SGPP2: variants seen among roughly 807,000 people sequenced by gnomAD.
The protein encoded by SGPP2 is sphingosine-1-phosphate phosphatase 2.
A neutral mutation model predicts 33.9 loss-of-function variants in SGPP2; 30 were observed. The observed-to-expected ratio is 0.89, with a 90% CI of 0.66 to 1.20. The LOEUF is 1.20. Ranked by LOEUF, SGPP2 falls within the 50% of genes most tolerant of loss-of-function variation. The probability of loss-of-function intolerance (pLI) is 0.00; values close to 1 mark genes in which losing one functional copy is unlikely to be tolerated. For synonymous variants in SGPP2, 233 were observed against 225.0 expected, an observed-to-expected ratio of 1.04 and a Z score of -0.32; for missense variants, 458 against 532.1, an observed-to-expected ratio of 0.86 and a Z score of 1.37.
chr2:222,550,810 C>A lies in SGPP2; in HGVS notation c.649-7537C>A, dbSNP rs1689281074. ...TGTTTCTGTAATGGAGCATGTGTTA[C>A]TTTTTGGACTTAAATGGCATGAGCT... On this transcript the variant is annotated intron_variant, in intron 4 of 4. Transcript: ENST00000321276. The surrounding 1 kb of genome is among the most constrained non-coding windows in gnomAD (Gnocchi z 4.5). Among the ~76,000 whole-genome samples, 1 of 151,514 alleles carries A rather than the reference C, an allele frequency of 6.6e-6. No homozygotes were observed. The highest frequency in any genetic ancestry group is 2.1e-4 in the South Asian group (1 of 4,828).
chr2:222,470,083 G>C (rs1171604309), intron 1 of SGPP2, among the ~76,000 whole-genome samples: 1 of 152,162 alleles, frequency 6.6e-6, no homozygotes, highest in East Asian at 1.9e-4. Context: ...ATGGACACAG[G>C]GAGGGGAACA....
chr2:222,498,898 T>A (rs962798451), intron 2 of SGPP2, among the ~76,000 whole-genome samples: 1 of 152,210 alleles, frequency 6.6e-6, no homozygotes, highest in Admixed American at 6.5e-5. Context: ...GAGTTTAGAA[T>A]GTTTGAAATG....
rs1451696169 is a variant in SGPP2 at position 222,552,812 on chromosome 2, A to T, written c.649-5535A>T. Among the ~76,000 whole-genome samples the T allele has an allele frequency of 2.6e-5, 4 of 152,198 alleles. No homozygotes were observed. In the East Asian group the frequency reaches 7.7e-4, roughly 29 times the overall value. Reference sequence around the variant, plus strand: ...GAGGCAGAGGTTGTGGTGAGCTAAGATCACACCATTGCACTCCAGCCTGAG... The same window carrying T: ...GAGGCAGAGGTTGTGGTGAGCTAAGTTCACACCATTGCACTCCAGCCTGAG... On this transcript the variant is annotated intron_variant, in intron 4 of 4. Transcript: ENST00000321276.
intron 1 of SGPP2, among the ~76,000 whole-genome samples, chr2:222,468,061 G>A (rs531846719): frequency 1.4e-5 from 2 of 141,178 alleles, no homozygotes; most frequent in South Asian, 4.7e-4. Context: ...CTCAAGGTCA[G>A]AATAGCTATA....
intron 1 of SGPP2, among the ~76,000 whole-genome samples, chr2:222,426,991 G>C (rs945903090): frequency 2.6e-4 from 39 of 152,100 alleles, no homozygotes; most frequent in Non-Finnish European, 4.0e-4. Flanking sequence ...GTTCCTCCAT[G>C]GGTGACTTCT....
At chr2:222,538,817 T>C (rs1698951802) in intron 4 of SGPP2, among the ~76,000 whole-genome samples, 1 of 152,096 alleles carries the variant, frequency 6.6e-6, no homozygotes, top group Non-Finnish European at 1.5e-5. Context: ...AGAACTCTTA[T>C]CACTAGAACA....
At chr2:222,546,278 T>C (rs1217288499) in intron 4 of SGPP2, among the ~76,000 whole-genome samples, 1 of 152,200 alleles carries the variant, frequency 6.6e-6, no homozygotes, top group East Asian at 1.9e-4. Flanking sequence ...ACTCACCGCA[T>C]TTCTGAAAGC....
chr2:222,486,905 A>G (rs1211255564), intron 2 of SGPP2, among the ~76,000 whole-genome samples: 1 of 151,964 alleles, frequency 6.6e-6, no homozygotes, highest in Non-Finnish European at 1.5e-5. Flanking sequence ...GTAGTAAACC[A>G]CATTAATTAA....
chr2:222,555,105 C>A (rs1689366510), intron 4 of SGPP2, among the ~76,000 whole-genome samples: 1 of 151,990 alleles, frequency 6.6e-6, no homozygotes, highest in African/African-American at 2.4e-5. Context: ...TAGAACCATA[C>A]AGTATGTATC....
chr2:222,472,744 A>G (rs1297024349), intron 1 of SGPP2, among the ~76,000 whole-genome samples: 1 of 152,198 alleles, frequency 6.6e-6, no homozygotes, highest in Non-Finnish European at 1.5e-5. Context: ...AGGGACTATT[A>G]CCATCCTTGC....
At chr2:222,446,204 A>C (rs1000248206) in intron 1 of SGPP2, among the ~76,000 whole-genome samples, 3 of 152,138 alleles carry the variant, frequency 2.0e-5, no homozygotes, top group Non-Finnish European at 4.4e-5. Flanking sequence ...TATAGGTAGA[A>C]ATAATGAGAG....
intron 1 of SGPP2, among the ~76,000 whole-genome samples, chr2:222,444,568 T>G (rs1425884742): frequency 1.3e-5 from 2 of 152,200 alleles, no homozygotes; most frequent in Non-Finnish European, 2.9e-5. Context: ...AGTGCATTGG[T>G]GGAGACAGGT....
intron 2 of SGPP2, among the ~76,000 whole-genome samples, chr2:222,510,250 A>G (rs143566001): frequency 1.3e-5 from 2 of 152,208 alleles, no homozygotes; most frequent in African/African-American, 4.8e-5. Flanking sequence ...TAGGAGTGGA[A>G]TGGATGAGTG....
At chr2:222,428,731 C>G (rs1428231563) in intron 1 of SGPP2, among the ~76,000 whole-genome samples, 1 of 151,344 alleles carries the variant, frequency 6.6e-6, no homozygotes, top group Non-Finnish European at 1.5e-5. Context: ...TTCTCTGAAC[C>G]TCGGTTGTCC....
Position 222,502,499 on chromosome 2 carries a change from A to G in SGPP2, c.379-19268A>G, listed in dbSNP as rs943956210. ...TGCATTTAGCATTCCTAATCTGAAA[A>G]TCTAAAATGTGAAGAACTCCCATGA... On this transcript the variant is annotated intron_variant, in intron 2 of 4. Coordinates refer to ENST00000321276, the MANE Select transcript of SGPP2 (RefSeq NM_152386.4). Among the ~76,000 whole-genome samples, 5 of 152,374 alleles carry G rather than the reference A, an allele frequency of 3.3e-5. No individual in the cohort carries two copies. The East Asian group carries it at 9.6e-4, about 29-fold the overall frequency.
At chr2:222,531,331 G>C (rs1374443206) in intron 4 of SGPP2, among the ~76,000 whole-genome samples, 1 of 152,190 alleles carries the variant, frequency 6.6e-6, no homozygotes, top group African/African-American at 2.4e-5. Context: ...ACATACGATG[G>C]AGTATTAGCC....
intron 4 of SGPP2, among the ~76,000 whole-genome samples, chr2:222,544,792 C>CT (rs1401256280): frequency 6.6e-6 from 1 of 151,428 alleles, no homozygotes; most frequent in Non-Finnish European, 1.5e-5. Context: ...TATTATTAAT[C>CT]TTTTTAAAAA....
At chr2:222,486,166 T>C (rs2106106344) in intron 2 of SGPP2, among the ~76,000 whole-genome samples, 1 of 152,214 alleles carries the variant, frequency 6.6e-6, no homozygotes, top group South Asian at 2.1e-4. Context: ...GTGCTGCATT[T>C]GCTATGCGGA....
rs1468306011 is a variant in SGPP2 at position 222,424,566 on chromosome 2, C to A, written c.-37C>A. The stretch of plus-strand genomic sequence containing the variant: ...GTGCCAGCGGAGGGCACCGGCCCGG[C>A]GTGGCAGCGGCGGCGGAGCGCGGCC... On this transcript the variant is annotated 5_prime_UTR_variant, in exon 1 of 5. Coordinates refer to ENST00000321276, the MANE Select transcript of SGPP2 (RefSeq NM_152386.4). The A allele has an allele frequency of 6.7e-6, 8 of 1,188,624 alleles. No individual in the cohort carries two copies. Among genetic ancestry groups the A allele is most frequent in the Non-Finnish European group, 5.3e-6 (5 of 951,554 alleles). 73.6% of individuals were successfully genotyped at this position (1,188,624 alleles called of 1,614,324 possible).
Sources: gnomAD v4.1 joint callset for allele counts (sites outside exome capture counted in the v4.1 genomes callset) on GRCh38, gnomAD v4.1.1 for gene constraint, Gnocchi (gnomAD v3.1) non-coding constraint, MANE v1.5 for transcripts, NCBI Gene and HGNC (gene_info 2026-07-23, HGNC 2026-07-21) for gene names.